Variants in SNCB observed in about 807,000 individuals in gnomAD.
SNCB encodes synuclein beta, also known as beta-synuclein.
In SNCB, 8 loss-of-function variants were observed where a neutral mutation model predicts 20.0. The ratio of observed to expected loss-of-function variants is 0.40; its 90% CI spans 0.24 to 0.72. The LOEUF is 0.72. SNCB is among the 30% of genes least tolerant of loss of function. SNCB has a pLI of 0.37. For missense variants in SNCB, 125 were observed against 168.0 expected (o/e 0.74, Z 1.41); for synonymous variants, 56 against 65.4 (o/e 0.86, Z 0.69).
rs541936337 is a variant in SNCB at position 176,629,763 on chromosome 5, C to T, written c.-9-100G>A. The T allele has an allele frequency of 5.6e-5, 83 of 1,470,718 alleles. No homozygotes were observed. In the African/African-American group the frequency reaches 1.1e-3, roughly 19 times the overall value. 91.1% of individuals were successfully genotyped at this position (1,470,718 alleles called of 1,614,324 possible). On this transcript the variant is annotated intron_variant, in intron 1 of 5. Transcript: ENST00000393693. The surrounding 1 kb of genome is among the most constrained non-coding windows in gnomAD (Gnocchi z 4.1). ...TGCCCCCCTACTCCCGAGACCGCGG[C>T]GCCCTTCTGGACCCTGAGCCCCCTC...
In SNCB at chr5:176,626,184, C is replaced by T. The variant is rs945956769; in HGVS notation, c.282+214G>A. Among the ~76,000 whole-genome samples, 4 of 152,136 alleles carry T rather than the reference C, an allele frequency of 2.6e-5. No homozygotes were observed. The highest frequency in any genetic ancestry group is 4.8e-5 in the African/African-American group (2 of 41,428). On this transcript the variant is annotated intron_variant, in intron 4 of 5. Transcript: ENST00000393693. This position sits in a 1 kb window ranked among gnomAD's most constrained non-coding sequence, Gnocchi z 4.2. ...ACAGCCAGGTCTGGGTCCCCATCAC[C>T]GGGAGCGTCACACCCATGCACGCCT...
At chr5:176,628,174 A>G (rs1760092981) in intron 2 of SNCB, among the ~76,000 whole-genome samples, 1 of 152,166 alleles carries the variant, frequency 6.6e-6, no homozygotes, top group African/African-American at 2.4e-5. Flanking sequence ...GCTCCCAGGC[A>G]GAGGCAGGAG....
Position 176,626,177 on chromosome 5 carries a change from C to CCATCACCG in SNCB, c.282+213_282+220dup, listed in dbSNP as rs1273484639. Among the ~76,000 whole-genome samples, 1 of 152,158 alleles carries CCATCACCG rather than the reference C, an allele frequency of 6.6e-6. No homozygotes were observed. Among genetic ancestry groups the CCATCACCG allele is most frequent in the Non-Finnish European group, 1.5e-5 (1 of 68,050 alleles). ...CACGCAGACAGCCAGGTCTGGGTCCCCATCACCGGGAGCGTCACACCCATG... is the reference window on the plus strand; with the variant it reads ...CACGCAGACAGCCAGGTCTGGGTCCCCATCACCGCATCACCGGGAGCGTCACACCCATG... On this transcript the variant is annotated intron_variant, in intron 4 of 5. Transcript: ENST00000393693. The surrounding 1 kb of genome is among the most constrained non-coding windows in gnomAD (Gnocchi z 4.2).
At chr5:176,628,982 C>G (rs777992549) in intron 2 of SNCB, among the ~76,000 whole-genome samples, 1 of 152,020 alleles carries the variant, frequency 6.6e-6, no homozygotes, top group Non-Finnish European at 1.5e-5. Context: ...GGACCTGGAA[C>G]GCAACTCAAC....
chr5:176,622,489 CAACAA>C (rs59319062), intron 4 of SNCB, among the ~76,000 whole-genome samples: 3,447 of 149,574 alleles, frequency 0.023, 113 homozygotes, highest in African/African-American at 0.073. Context: ...GACTCCATCT[CAACAA>C]AACAAAACAA....
Position 176,621,719 on chromosome 5 carries a change from G to A in SNCB, c.283-416C>T, listed in dbSNP as rs1759613489. Among the ~76,000 whole-genome samples the A allele has an allele frequency of 1.3e-5, 2 of 152,204 alleles. No individual in the cohort carries two copies. The highest frequency in any genetic ancestry group is 2.4e-5 in the African/African-American group (1 of 41,450). ...AGGGACAGGGCTGGGCAGGGGCTCTGAGCCATTCCCCCGCCACCTTCCACT... is the reference window on the plus strand; with the variant it reads ...AGGGACAGGGCTGGGCAGGGGCTCTAAGCCATTCCCCCGCCACCTTCCACT... On this transcript the variant is annotated intron_variant, in intron 4 of 5. Coordinates refer to ENST00000393693, the MANE Select transcript of SNCB (RefSeq NM_003085.5). The surrounding 1 kb of genome is among the most constrained non-coding windows in gnomAD (Gnocchi z 4.1).
Position 176,620,698 on chromosome 5 carries a change from CGGAA to C in SNCB, c.*109_*112del. 1 of 817,624 alleles carries C rather than the reference CGGAA, an allele frequency of 1.2e-6. No individual in the cohort carries two copies. The highest frequency in any genetic ancestry group is 1.3e-5 in the South Asian group (1 of 74,734). 50.6% of individuals were successfully genotyped at this position (817,624 alleles called of 1,614,324 possible). A position where few individuals can be genotyped will look rare whatever the true frequency, so the allele number is the denominator to read the frequency against. On this transcript the variant is annotated 3_prime_UTR_variant, in exon 6 of 6. Coordinates refer to ENST00000393693, the MANE Select transcript of SNCB (RefSeq NM_003085.5). The surrounding 1 kb of genome is among the most constrained non-coding windows in gnomAD (Gnocchi z 4.5). ...AGGCTCCGAGGGGGTTGCCTCAGAGCGGAAGGAAGATCTCGTGATTGGGGAGAAG... is the reference window on the plus strand; with the variant it reads ...AGGCTCCGAGGGGGTTGCCTCAGAGCGGAAGATCTCGTGATTGGGGAGAAG...
intron 4 of SNCB, among the ~76,000 whole-genome samples, chr5:176,623,157 G>A (rs1434682722): frequency 7.2e-5 from 11 of 152,116 alleles, no homozygotes; most frequent in Admixed American, 7.2e-4. Context: ...GGAGGTCAAG[G>A]TGGGCAGATC....
Position 176,626,313 on chromosome 5 carries a change from T to C in SNCB, c.282+85A>G. ...GGCAGGATTAGGGGGGCGGGGATGG[T>C]GACAGGTTTATTTGTGTGCCTGGTG... On this transcript the variant is annotated intron_variant, in intron 4 of 5. Transcript: ENST00000393693. The surrounding 1 kb of genome is among the most constrained non-coding windows in gnomAD (Gnocchi z 4.2). 1.0e-6 allele frequency: 1 copy of C among 997,366 alleles called. No individual in the cohort carries two copies. The highest frequency in any genetic ancestry group is 1.6e-6 in the Non-Finnish European group (1 of 629,938). The allele number at this position is 997,366 out of a possible 1,614,324, so 61.8% of individuals were successfully genotyped here. A position where few individuals can be genotyped will look rare whatever the true frequency, so the allele number is the denominator to read the frequency against.
chr5:176,626,221 C>T lies in SNCB; in HGVS notation c.282+177G>A, dbSNP rs1415630014. On this transcript the variant is annotated intron_variant, in intron 4 of 5. Transcript: ENST00000393693. This position sits in a 1 kb window ranked among gnomAD's most constrained non-coding sequence, Gnocchi z 4.2. ...ACCCATGCACGCCTTTATTCAGATG[C>T]ATTCTGAGCTGAGTCTAGCACGGGC... Among the ~76,000 whole-genome samples, 3 of 152,100 alleles carry T rather than the reference C, an allele frequency of 2.0e-5. No individual in the cohort carries two copies. Among genetic ancestry groups the T allele is most frequent in the Non-Finnish European group, 2.9e-5 (2 of 68,042 alleles).
In SNCB at chr5:176,629,565, C is replaced by G; in HGVS notation, c.90G>C (p.Ala30=). ...AGAGGACGCCCTCCTTGGTCTTCTC[C>G]GCCGCCTCGGTGACCCCCTGCTTGG... The part of the protein sequence containing the change: ...EKTKQGVTEA[A]EKTKEGVLYV... The change falls in exon 2 of 6, where the codon GCG becomes GCC. Residue 30 remains alanine, a synonymous_variant. Transcript: ENST00000393693. This position sits in a 1 kb window ranked among gnomAD's most constrained non-coding sequence, Gnocchi z 4.1. 2 of 1,611,460 alleles carry G rather than the reference C, an allele frequency of 1.2e-6. No individual in the cohort carries two copies. Among genetic ancestry groups the G allele is most frequent in the Non-Finnish European group, 1.7e-6 (2 of 1,178,186 alleles).
chr5:176,623,315 A>C (rs1437314619), intron 4 of SNCB, among the ~76,000 whole-genome samples: 5 of 152,092 alleles, frequency 3.3e-5, no homozygotes, highest in Admixed American at 2.6e-4. Flanking sequence ...TGAACCCAGG[A>C]GGTGAAGGTT....
chr5:176,629,739 G>GC lies in SNCB; in HGVS notation c.-9-77dup. 2.6e-6 allele frequency: 4 copies of GC among 1,545,744 alleles called. No homozygotes were observed. Among genetic ancestry groups the GC allele is most frequent in the South Asian group, 1.2e-5 (1 of 81,992 alleles). On this transcript the variant is annotated intron_variant, in intron 1 of 5. Coordinates refer to ENST00000393693, the MANE Select transcript of SNCB (RefSeq NM_003085.5). The surrounding 1 kb of genome is among the most constrained non-coding windows in gnomAD (Gnocchi z 4.1). ...CCAGCCCCTCCCGCGGGACGCAGATGCCCCCCTACTCCCGAGACCGCGGCG... is the reference window on the plus strand; with the variant it reads ...CCAGCCCCTCCCGCGGGACGCAGATGCCCCCCCTACTCCCGAGACCGCGGCG...
In SNCB at chr5:176,620,816, C is replaced by T. The variant is rs1434790432; in HGVS notation, c.400G>A (p.Ala134Thr). Residue 134 changes from alanine to threonine, a missense_variant, in exon 6 of 6, where the codon GCG becomes ACG. Transcript: ENST00000393693. This position sits in a 1 kb window ranked among gnomAD's most constrained non-coding sequence, Gnocchi z 4.5. ...QEEYQEYEPE[A>T] ...GTGGGGGCTCTCCTGGGCCCCTACGCCTCTGGCTCATACTCCTGATATTCC... is the reference window on the plus strand; with the variant it reads ...GTGGGGGCTCTCCTGGGCCCCTACGTCTCTGGCTCATACTCCTGATATTCC... 3 of 1,613,716 alleles carry T rather than the reference C, an allele frequency of 1.9e-6. No individual in the cohort carries two copies. In the South Asian group the frequency reaches 3.3e-5, roughly 18 times the overall value.
At position 176,630,264 on chromosome 5, in the gene SNCB, C is replaced by G. The variant is rs1161280456; in HGVS notation, c.-10+16G>C. 1 of 152,452 alleles carries G rather than the reference C, an allele frequency of 6.6e-6. No individual in the cohort carries two copies. Among genetic ancestry groups the G allele is most frequent in the Non-Finnish European group, 1.5e-5 (1 of 68,190 alleles). The allele number at this position is 152,452 out of a possible 1,614,324, so 9.4% of individuals were successfully genotyped here. On this transcript the variant is annotated intron_variant, in intron 1 of 5. Transcript: ENST00000393693. ...TCCTCATCCCGTTCCCCATCCCCGG[C>G]GCGCGGCCGCCTCACCTGGATGCGG...
Position 176,629,569 on chromosome 5 carries a change from G to A in SNCB, c.86C>T (p.Ala29Val), listed in dbSNP as rs1049011088. 2 of 1,613,210 alleles carry A rather than the reference G, an allele frequency of 1.2e-6. No homozygotes were observed. Among genetic ancestry groups the A allele is most frequent in the Non-Finnish European group, 1.7e-6 (2 of 1,179,716 alleles). The change falls in exon 2 of 6, where the codon GCG becomes GTG. Residue 29 changes from alanine (A) to valine (V), a missense_variant. Coordinates refer to ENST00000393693, the MANE Select transcript of SNCB (RefSeq NM_003085.5). The surrounding 1 kb of genome is among the most constrained non-coding windows in gnomAD (Gnocchi z 4.1). ...AEKTKQGVTE[A>V]AEKTKEGVLY... ...GACGCCCTCCTTGGTCTTCTCCGCC[G>A]CCTCGGTGACCCCCTGCTTGGTTTT...
In SNCB at chr5:176,620,771, G is replaced by C. The variant is rs763433593; in HGVS notation, c.*40C>G. On this transcript the variant is annotated 3_prime_UTR_variant, in exon 6 of 6. Transcript: ENST00000393693. The surrounding 1 kb of genome is among the most constrained non-coding windows in gnomAD (Gnocchi z 4.5). Reference sequence around the variant, plus strand: ...GGCTCTGGGGGGCGGGGCAGGGACAGGGACAGAATTGTGCTGCTGGTGGGG... The same window carrying C: ...GGCTCTGGGGGGCGGGGCAGGGACACGGACAGAATTGTGCTGCTGGTGGGG... The C allele has an allele frequency of 6.5e-7, 1 of 1,527,234 alleles. No homozygotes were observed. Among genetic ancestry groups the C allele is most frequent in the Non-Finnish European group, 9.1e-7 (1 of 1,100,258 alleles). 94.6% of individuals were successfully genotyped at this position (1,527,234 alleles called of 1,614,324 possible).
rs563267345 is a variant in SNCB at position 176,620,524 on chromosome 5, T to C, written c.*287A>G. On this transcript the variant is annotated 3_prime_UTR_variant, in exon 6 of 6. Transcript: ENST00000393693. This position sits in a 1 kb window ranked among gnomAD's most constrained non-coding sequence, Gnocchi z 4.5. ...GCTCGGATCTTCGTTTAAAAACACA[T>C]AGAACATGCTACATCCGCGCAGACG... 5 of 520,070 alleles carry C rather than the reference T, an allele frequency of 9.6e-6. No homozygotes were observed. Among genetic ancestry groups the C allele is most frequent in the East Asian group, 9.3e-5 (3 of 32,362 alleles). 32.2% of individuals were successfully genotyped at this position (520,070 alleles called of 1,614,324 possible). A position where few individuals can be genotyped will look rare whatever the true frequency, so the allele number is the denominator to read the frequency against.
At chr5:176,627,474 T>C (rs1760037195) in intron 2 of SNCB, among the ~76,000 whole-genome samples, 1 of 152,262 alleles carries the variant, frequency 6.6e-6, no homozygotes, top group Non-Finnish European at 1.5e-5. Flanking sequence ...TGGCTGGGCC[T>C]TCCTCGGAGG....
Sources: gnomAD v4.1 joint callset for allele counts (sites outside exome capture counted in the v4.1 genomes callset) on GRCh38, gnomAD v4.1.1 for gene constraint, Gnocchi (gnomAD v3.1) non-coding constraint, MANE v1.5 for transcripts, NCBI Gene and HGNC (gene_info 2026-07-23, HGNC 2026-07-21) for gene names.